MRGPRX1: variants seen among roughly 807,000 people sequenced by gnomAD.
The protein encoded by MRGPRX1 is MAS related GPR family member X1, also known as mas-related G protein-coupled receptor member X1.
For missense variants in MRGPRX1, 411 were observed against 393.8 expected (o/e 1.04, Z -0.37); for synonymous variants, 208 against 170.4 (o/e 1.22, Z -1.72).
intron 1 of MRGPRX1, among the ~76,000 whole-genome samples, chr11:18,936,116 G>A (rs1485234618): frequency 6.6e-6 from 1 of 151,400 alleles, no homozygotes; most frequent in Non-Finnish European, 1.5e-5. Context: ...CAAAAAGAGT[G>A]AATTATTCAT....
At chr11:18,936,578 C>A (rs1189940077) in intron 1 of MRGPRX1, among the ~76,000 whole-genome samples, 1 of 151,148 alleles carries the variant, frequency 6.6e-6, no homozygotes, top group Non-Finnish European at 1.5e-5. Flanking sequence ...CACAGCCTTG[C>A]TTGGCCCAAA....
At chr11:18,938,890 A>G (rs1159394987) in intron 1 of MRGPRX1, among the ~76,000 whole-genome samples, 2 of 151,496 alleles carry the variant, frequency 1.3e-5, no homozygotes, top group African/African-American at 4.8e-5. Context: ...TCTTCCTTGA[A>G]CCTTTCCAGA....
At chr11:18,938,706 T>C (rs994346119) in intron 1 of MRGPRX1, among the ~76,000 whole-genome samples, 1 of 151,434 alleles carries the variant, frequency 6.6e-6, no homozygotes, top group African/African-American at 2.4e-5. Flanking sequence ...ATGGCGACAA[T>C]GGTAACTGCT....
Position 18,934,225 on chromosome 11 carries a change from A to T in MRGPRX1, c.560T>A (p.Leu187Ter). ...GCTGGACCCACAGAGAACCACACAT[A>T]AAAAAATCAGCCACGCGACTGTGAT... ...DFITVAWLIF[L>*]CVVLCGSSLV... Residue 187 changes from leucine to a stop codon, truncating the protein, a stop_gained, in exon 2 of 2, where the codon TTA (leucine) becomes TAA (stop). Transcript: ENST00000526914. LOFTEE classifies it low-confidence loss of function (END_TRUNC). 2 of 1,610,248 alleles carry T rather than the reference A, an allele frequency of 1.2e-6. No homozygotes were observed. Among genetic ancestry groups the T allele is most frequent in the Non-Finnish European group, 1.7e-6 (2 of 1,177,886 alleles).
In MRGPRX1 at chr11:18,934,600, G is replaced by T. The variant is rs752317353; in HGVS notation, c.185C>A (p.Ser62Tyr). Residue 62 changes from serine (S) to tyrosine (Y), a missense_variant, in exon 2 of 2, where the codon TCC (serine) becomes TAC (tyrosine). By Grantham distance (144) the Ser-to-Tyr change is moderately radical. Coordinates refer to ENST00000526914, the MANE Select transcript of MRGPRX1 (RefSeq NM_001393578.1). Reference protein sequence around the residue: ...LGCRMRRNAFSIYILNLAAAD... With the variant: ...LGCRMRRNAFYIYILNLAAAD... ...TGCGGCCAAGTTGAGGATGTAGATG[G>T]AGAAGGCGTTCCTGCGCATGCGGCA... is the stretch of plus-strand genomic sequence containing the variant. The T allele has an allele frequency of 1.2e-6, 2 of 1,609,916 alleles. No individual in the cohort carries two copies. The highest frequency in any genetic ancestry group is 1.7e-6 in the Non-Finnish European group (2 of 1,177,836).
Position 18,934,085 on chromosome 11 carries a change from T to C in MRGPRX1, c.700A>G (p.Ile234Val), listed in dbSNP as rs1423475460. 2 of 1,610,810 alleles carry C rather than the reference T, an allele frequency of 1.2e-6. No individual in the cohort carries two copies. The highest frequency in any genetic ancestry group is 4.5e-5 in the East Asian group (2 of 44,784). ...VFLLCGLPFG[I>V]QFFLFLWIHV... ...ATCCATAAAAATAGGAAAAACTGAATGCCAAAGGGCAGGCCACAGAGGAGG... is the reference window on the plus strand; with the variant it reads ...ATCCATAAAAATAGGAAAAACTGAACGCCAAAGGGCAGGCCACAGAGGAGG... The change falls in exon 2 of 2, where the codon ATT becomes GTT. Residue 234 changes from isoleucine to valine, a missense_variant. By Grantham distance (29) the Ile-to-Val change is conservative. Transcript: ENST00000526914.
At chr11:18,936,787 A>G (rs1416662339) in intron 1 of MRGPRX1, among the ~76,000 whole-genome samples, 1 of 151,480 alleles carries the variant, frequency 6.6e-6, no homozygotes, top group Non-Finnish European at 1.5e-5. Context: ...CTATGGTATT[A>G]TCTTAATATA....
Position 18,933,738 on chromosome 11 carries a change from G to A in MRGPRX1, c.*78C>T. On this transcript the variant is annotated 3_prime_UTR_variant, in exon 2 of 2. Transcript: ENST00000526914. ...AGACATTTCTGAGGCAGAAGGCTAAGAAAAACGCATATAATTGTCAAGGGT... is the reference window on the plus strand; with the variant it reads ...AGACATTTCTGAGGCAGAAGGCTAAAAAAAACGCATATAATTGTCAAGGGT... 1 of 1,516,774 alleles carries A rather than the reference G, an allele frequency of 6.6e-7. No homozygotes were observed. The highest frequency in any genetic ancestry group is 8.8e-7 in the Non-Finnish European group (1 of 1,132,954). 94.0% of individuals were successfully genotyped at this position (1,516,774 alleles called of 1,614,324 possible).
chr11:18,934,386 G>A lies in MRGPRX1; in HGVS notation c.399C>T (p.His133=), dbSNP rs146717763. ...SVLWPIWYRC[H]RPTHLSAVVC... is the part of the protein sequence containing the mutation. ...CCACCGCTGACAGGTGTGTGGGGCG[G>A]TGGCAGCGGTACCAGATGGGCCACA... The change falls in exon 2 of 2, where the codon CAC becomes CAT. Residue 133 remains histidine, a synonymous_variant. Transcript: ENST00000526914. The A allele has an allele frequency of 3.1e-6, 5 of 1,610,768 alleles. No individual in the cohort carries two copies. The African/African-American group carries it at 6.7e-5, about 22-fold the overall frequency.
Position 18,934,766 on chromosome 11 carries a change from T to C in MRGPRX1, c.19A>G (p.Thr7Ala), listed in dbSNP as rs1590005088. The change falls in exon 2 of 2, where the codon ACC becomes GCC. Residue 7 changes from threonine (T) to alanine (A), a missense_variant. Transcript: ENST00000526914. MDPTIS[T>A]LDTELTPING... ...ATTGGTGTCAGTTCTGTGTCCAAGGTTGAGATGGTTGGATCCATGCTCAGA... is the reference window on the plus strand; with the variant it reads ...ATTGGTGTCAGTTCTGTGTCCAAGGCTGAGATGGTTGGATCCATGCTCAGA... 1 of 1,582,024 alleles carries C rather than the reference T, an allele frequency of 6.3e-7. No individual in the cohort carries two copies. Among genetic ancestry groups the C allele is most frequent in the Admixed American group, 1.8e-5 (1 of 55,940 alleles).
intron 1 of MRGPRX1, among the ~76,000 whole-genome samples, chr11:18,937,910 A>G (rs1005822251): frequency 6.6e-6 from 1 of 151,626 alleles, no homozygotes; most frequent in Non-Finnish European, 1.5e-5. Flanking sequence ...AAGTAGTCTG[A>G]AAGAGCTGAA....
intron 1 of MRGPRX1, 59 bp from the exon 2 acceptor site, chr11:18,934,868 C>T (rs1254951184): frequency 1.9e-5 from 27 of 1,459,390 alleles, no homozygotes; most frequent in Middle Eastern, 1.8e-4. Flanking sequence ...TCCCCACCAC[C>T]CTGCCATGTG....
chr11:18,936,098 T>C (rs966598382), intron 1 of MRGPRX1, among the ~76,000 whole-genome samples: 2 of 151,386 alleles, frequency 1.3e-5, no homozygotes, highest in Non-Finnish European at 2.9e-5. Context: ...AGATAATGCA[T>C]TGGAACACAA....
At position 18,933,855 on chromosome 11, in the gene MRGPRX1, C is replaced by G. The variant is rs758173870; in HGVS notation, c.930G>C (p.Glu310Asp). The change falls in exon 2 of 2, where the codon GAG (glutamate) becomes GAC (aspartate). Residue 310 changes from glutamate to aspartate, a missense_variant. Physicochemically the swap from Glu to Asp is conservative, Grantham distance 45 (BLOSUM62 2). Transcript: ENST00000526914. ...TGCTTCCCGACAGCTCCAGGATTTC[C>G]TCAGGAAGCTGCCCTCCACCTTCAT... ...EVDEGGGQLP[E>D]EILELSGSRL... The G allele has an allele frequency of 3.7e-6, 6 of 1,609,922 alleles. No individual in the cohort carries two copies. The African/African-American group carries it at 5.4e-5, about 14-fold the overall frequency.
chr11:18,934,298 A>T lies in MRGPRX1; in HGVS notation c.487T>A (p.Phe163Ile). Residue 163 changes from phenylalanine to isoleucine, a missense_variant, in exon 2 of 2, where the codon TTC becomes ATC. Phe to Ile is a conservative substitution (Grantham distance 21). Transcript: ENST00000526914. ...GCAGAATCAGCACCACTGAACAGGAAGCCACATAACATCCACTCCAGGATG... is the reference window on the plus strand; with the variant it reads ...GCAGAATCAGCACCACTGAACAGGATGCCACATAACATCCACTCCAGGATG... ...RSILEWMLCG[F>I]LFSGADSAWC... is the part of the protein sequence containing the mutation. 6.2e-7 allele frequency: 1 copy of T among 1,610,742 alleles called. No individual in the cohort carries two copies. Among genetic ancestry groups the T allele is most frequent in the East Asian group, 2.2e-5 (1 of 44,776 alleles).
At position 18,936,395 on chromosome 11, in the gene MRGPRX1, C is replaced by T. The variant is rs558489055; in HGVS notation, c.-25-1586G>A. Among the ~76,000 whole-genome samples the T allele has an allele frequency of 4.0e-5, 6 of 151,218 alleles. No individual in the cohort carries two copies. The East Asian group carries it at 1.2e-3, about 29-fold the overall frequency. ...GAGAAGAGTGAAAGCCATTTAGTAA[C>T]AAATTCAGGAGTTCCTTTTTGCCTA... On this transcript the variant is annotated intron_variant, in intron 1 of 1. Transcript: ENST00000526914.
intron 1 of MRGPRX1, among the ~76,000 whole-genome samples, chr11:18,937,342 A>T (rs1848849117): frequency 6.6e-6 from 1 of 151,310 alleles, no homozygotes; most frequent in African/African-American, 2.4e-5. Context: ...AGCTTCCCGC[A>T]CTGATCTCAA....
In MRGPRX1 at chr11:18,934,572, T is replaced by G. The variant is rs751093103; in HGVS notation, c.213A>C (p.Ala71=). 9 of 1,609,642 alleles carry G rather than the reference T, an allele frequency of 5.6e-6. 1 individual carries two copies. The highest frequency in any genetic ancestry group is 1.7e-5 in the Admixed American group (1 of 59,144). Residue 71 remains alanine (A), a synonymous_variant, in exon 2 of 2, where the codon GCA becomes GCC. Transcript: ENST00000526914. ...GGCGGCCGCTGAGGAAGAGGAAGTC[T>G]GCTGCGGCCAAGTTGAGGATGTAGA... ...FSIYILNLAA[A]DFLFLSGRLI...
In MRGPRX1 at chr11:18,934,750, A is replaced by C. The variant is rs929403068; in HGVS notation, c.35T>G (p.Leu12Arg). ...DPTISTLDTE[L>R]TPINGTEETL... ...CTCCTCAGTTCCGTTGATTGGTGTC[A>C]GTTCTGTGTCCAAGGTTGAGATGGT... Residue 12 changes from leucine (L) to arginine (R), a missense_variant, in exon 2 of 2, where the codon CTG (leucine) becomes CGG (arginine). Physicochemically the swap from Leu to Arg is moderately radical, Grantham distance 102 (BLOSUM62 -2). Transcript: ENST00000526914. 12 of 1,596,690 alleles carry C rather than the reference A, an allele frequency of 7.5e-6. No individual in the cohort carries two copies. The highest frequency in any genetic ancestry group is 1.0e-5 in the Non-Finnish European group (12 of 1,171,046).
Sources: gnomAD v4.1 joint callset for allele counts (sites outside exome capture counted in the v4.1 genomes callset) on GRCh38, gnomAD v4.1.1 for gene constraint, MANE v1.5 for transcripts, NCBI Gene and HGNC (gene_info 2026-07-23, HGNC 2026-07-21) for gene names.